RGS6: variants seen among roughly 807,000 people sequenced by gnomAD.
The protein encoded by RGS6 is regulator of G-protein signaling 6.
Under a neutral mutation model 78.5 loss-of-function variants are expected in RGS6, and 30 were observed. That is an observed-to-expected ratio of 0.38 (90% CI 0.29 to 0.52). The LOEUF (loss-of-function observed/expected upper bound fraction) is 0.52. RGS6 is among the 20% of genes least tolerant of loss of function. The pLI, the probability that RGS6 is intolerant of heterozygous loss-of-function variation, is 0.85. For synonymous variants in RGS6, 206 were observed against 206.0 expected (o/e 1.00, Z 0.00); for missense variants, 495 against 609.7 (o/e 0.81, Z 1.98).
At chr14:72,300,150 G>A (rs1015253976) in intron 2 of RGS6, among the ~76,000 whole-genome samples, 10 of 151,680 alleles carry the variant, frequency 6.6e-5, no homozygotes, top group Non-Finnish European at 1.5e-4. Context: ...TGAAAAGATC[G>A]ATGTATTGAT....
intron 1 of RGS6, among the ~76,000 whole-genome samples, chr14:71,940,388 A>C (rs930172699): frequency 2.2e-4 from 34 of 152,300 alleles, no homozygotes; most frequent in Middle Eastern, 3.4e-3. Context: ...CAAGTCTGGA[A>C]ATTGAATGAG....
At chr14:72,242,064 A>G (rs927189474) in intron 2 of RGS6, among the ~76,000 whole-genome samples, 1 of 152,208 alleles carries the variant, frequency 6.6e-6, no homozygotes, top group African/African-American at 2.4e-5. Flanking sequence ...CTCAAATTGG[A>G]TTCAGTAGTT....
At chr14:72,600,317 C>A in the RGS6 span, among the ~76,000 whole-genome samples, 4 of 151,912 alleles carry the variant, frequency 2.6e-5, no homozygotes, top group South Asian at 8.3e-4. Context: ...TCCTTTCTTG[C>A]CCTCCTCCCT....
At chr14:72,468,060 C>T (rs1219948963) in intron 7 of RGS6, among the ~76,000 whole-genome samples, 1 of 152,190 alleles carries the variant, frequency 6.6e-6, no homozygotes, top group Non-Finnish European at 1.5e-5. Context: ...TTCAATTTCT[C>T]TTCTCTTGTC....
intron 2 of RGS6, among the ~76,000 whole-genome samples, chr14:72,319,981 A>G (rs934283869): frequency 4.6e-5 from 7 of 152,224 alleles, no homozygotes; most frequent in African/African-American, 1.7e-4. Context: ...AGAACAATCA[A>G]TACTACTCTG....
At chr14:72,367,887 T>C (rs1203508992) in intron 3 of RGS6, among the ~76,000 whole-genome samples, 1 of 152,212 alleles carries the variant, frequency 6.6e-6, no homozygotes, top group African/African-American at 2.4e-5. Flanking sequence ...TTAAATGATA[T>C]TTGTAGTCCA....
chr14:72,173,090 T>C (rs566827593), intron 2 of RGS6, among the ~76,000 whole-genome samples: 1 of 152,300 alleles, frequency 6.6e-6, no homozygotes, highest in Non-Finnish European at 1.5e-5. Context: ...CTTAGATTTG[T>C]AGGGCCACAG....
chr14:72,574,020 A>G, the RGS6 span, among the ~76,000 whole-genome samples: 1 of 152,182 alleles, frequency 6.6e-6, no homozygotes. Flanking sequence ...GGATTAGTGG[A>G]TCTTCCTCTC....
At chr14:71,983,565 C>G (rs1362481970) in intron 2 of RGS6, among the ~76,000 whole-genome samples, 1 of 152,190 alleles carries the variant, frequency 6.6e-6, no homozygotes, top group Admixed American at 6.5e-5. Flanking sequence ...CTTGCCTCTT[C>G]CAGGCTTTCT....
chr14:72,267,634 G>A (rs2239260), intron 2 of RGS6, among the ~76,000 whole-genome samples: 15,014 of 152,184 alleles, frequency 0.099, 889 homozygotes, highest in East Asian at 0.26. Flanking sequence ...GGAGAGAGAC[G>A]AAAACCATTA....
At chr14:72,534,133 C>G (rs182859306) in intron 15 of RGS6, among the ~76,000 whole-genome samples, 1 of 152,208 alleles carries the variant, frequency 6.6e-6, no homozygotes, top group Non-Finnish European at 1.5e-5. Flanking sequence ...CCTCGGCCTT[C>G]GGCAATCACC....
chr14:72,268,561 C>T lies in RGS6; in HGVS notation c.85-83534C>T, dbSNP rs560030451. ...AAAGAGCCTGCATGGATGTGGTTAG[C>T]ACCATCTCTGCCGCATGTGACTTTT... On this transcript the variant is annotated intron_variant, in intron 2 of 17. Transcript: ENST00000553525. Among the ~76,000 whole-genome samples, 10 of 152,320 alleles carry T rather than the reference C, an allele frequency of 6.6e-5. No homozygotes were observed. In the South Asian group the frequency reaches 1.9e-3, roughly 28 times the overall value.
At chr14:71,988,267 G>A (rs373330324) in intron 2 of RGS6, among the ~76,000 whole-genome samples, 66 of 152,248 alleles carry the variant, frequency 4.3e-4, no homozygotes, top group African/African-American at 1.4e-3. Flanking sequence ...ACTTCATTGC[G>A]TTGCTGGGAA....
chr14:72,494,601 T>A (rs2096619849), intron 12 of RGS6, among the ~76,000 whole-genome samples: 1 of 152,220 alleles, frequency 6.6e-6, no homozygotes, highest in Non-Finnish European at 1.5e-5. Flanking sequence ...TATATCAATC[T>A]ATAAGATCAA....
At chr14:72,449,087 C>G (rs2095433562) in intron 3 of RGS6, among the ~76,000 whole-genome samples, 1 of 152,146 alleles carries the variant, frequency 6.6e-6, no homozygotes, top group Admixed American at 6.5e-5. Flanking sequence ...TCCTCCCCAC[C>G]CAGAGGTGCA....
chr14:72,576,300 C>T, the RGS6 span, among the ~76,000 whole-genome samples: 9 of 152,248 alleles, frequency 5.9e-5, no homozygotes, highest in African/African-American at 1.9e-4. Flanking sequence ...ATGGAGTTCC[C>T]AGCAACAAAA....
At chr14:71,952,466 A>G (rs917380401) in intron 1 of RGS6, among the ~76,000 whole-genome samples, 3 of 151,916 alleles carry the variant, frequency 2.0e-5, no homozygotes, top group Non-Finnish European at 4.4e-5. Flanking sequence ...TTTATACCAT[A>G]TCTACCTTTC....
intron 2 of RGS6, among the ~76,000 whole-genome samples, chr14:72,037,804 A>G (rs561262784): frequency 6.7e-6 from 1 of 149,954 alleles, no homozygotes; most frequent in South Asian, 2.1e-4. Flanking sequence ...ATTTGTCAAA[A>G]CATCAATTTA....
intron 3 of RGS6, among the ~76,000 whole-genome samples, chr14:72,442,153 T>G (rs1342983006): frequency 1.3e-5 from 2 of 151,612 alleles, no homozygotes; most frequent in African/African-American, 4.8e-5. Flanking sequence ...TGGCAGAGAG[T>G]CTGGTGTCTG....
Sources: gnomAD v4.1 joint callset for allele counts (sites outside exome capture counted in the v4.1 genomes callset) on GRCh38, gnomAD v4.1.1 for gene constraint, MANE v1.5 for transcripts, NCBI Gene and HGNC (gene_info 2026-07-23, HGNC 2026-07-21) for gene names.